KIAA1328: variants seen among roughly 807,000 people sequenced by gnomAD.
KIAA1328 encodes protein hinderin.
KIAA1328 carries 52 observed loss-of-function variants against 68.1 expected under a neutral mutation model. That is an observed-to-expected ratio of 0.76 (90% CI 0.61 to 0.96). The LOEUF (loss-of-function observed/expected upper bound fraction) is 0.96. Among genes scored for constraint, KIAA1328 ranks in the 40% least tolerant of loss-of-function variants. KIAA1328 has a pLI of 0.00. For missense variants in KIAA1328, 641 were observed against 677.6 expected, an observed-to-expected ratio of 0.95 and a Z score of 0.60; for synonymous variants, 232 against 239.4, an observed-to-expected ratio of 0.97 and a Z score of 0.28.
rs1478566173 is a variant in KIAA1328 at position 37,220,072 on chromosome 18, T to G, written c.1524-1945T>G. ...TTTGTAGGCTGTGCCAACATTTGCA[T>G]AGATTTCTAATAAAGTATTTCCAAA... On this transcript the variant is annotated intron_variant, in intron 9 of 9. Transcript: ENST00000280020. Among the ~76,000 whole-genome samples, 4 of 152,256 alleles carry G rather than the reference T, an allele frequency of 2.6e-5. No individual in the cohort carries two copies. In the East Asian group the frequency reaches 7.7e-4, roughly 29 times the overall value.
At chr18:37,010,801 C>T (rs1406246321) in intron 6 of KIAA1328, among the ~76,000 whole-genome samples, 1 of 152,102 alleles carries the variant, frequency 6.6e-6, no homozygotes, top group Non-Finnish European at 1.5e-5. Flanking sequence ...TGAGATTATA[C>T]CACACTGTGA....
chr18:36,909,024 A>G (rs749907899), intron 5 of KIAA1328, among the ~76,000 whole-genome samples: 11 of 152,238 alleles, frequency 7.2e-5, no homozygotes, highest in East Asian at 1.9e-4. Context: ...TCTGCTTCCT[A>G]TATCAAATTT....
At chr18:37,099,743 A>G (rs2057538699) in intron 7 of KIAA1328, among the ~76,000 whole-genome samples, 1 of 152,128 alleles carries the variant, frequency 6.6e-6, no homozygotes, top group South Asian at 2.1e-4. Context: ...GACTTGCTTT[A>G]CGAATCTGGG....
chr18:37,218,191 G>C (rs2060484718), intron 9 of KIAA1328, among the ~76,000 whole-genome samples: 1 of 152,242 alleles, frequency 6.6e-6, no homozygotes, highest in African/African-American at 2.4e-5. Context: ...CAGGTGCAAG[G>C]CTCTAAATCC....
chr18:36,998,199 C>T (rs2053464329), intron 6 of KIAA1328, among the ~76,000 whole-genome samples: 1 of 152,182 alleles, frequency 6.6e-6, no homozygotes, highest in African/African-American at 2.4e-5. Flanking sequence ...ACCCAATCCA[C>T]CACCTTAGGC....
intron 6 of KIAA1328, among the ~76,000 whole-genome samples, chr18:36,979,016 G>A (rs899364559): frequency 3.3e-5 from 5 of 151,986 alleles, no homozygotes; most frequent in African/African-American, 1.2e-4. Flanking sequence ...AAAAATAGCT[G>A]GGCATGGTGG....
intron 7 of KIAA1328, among the ~76,000 whole-genome samples, chr18:37,146,431 T>C (rs2154208996): frequency 6.6e-6 from 1 of 152,332 alleles, no homozygotes; most frequent in South Asian, 2.1e-4. Context: ...TTCTTCTTTT[T>C]ATTGCTGCAT....
intron 4 of KIAA1328, among the ~76,000 whole-genome samples, chr18:36,849,947 A>G (rs1226606998): frequency 1.3e-5 from 2 of 152,108 alleles, no homozygotes; most frequent in Admixed American, 6.6e-5. Flanking sequence ...GTGGCTAATG[A>G]TACTGAAAAA....
Position 37,223,278 on chromosome 18 carries a change from C to T in KIAA1328, c.*1051C>T, listed in dbSNP as rs747246045. 35 of 985,438 alleles carry T rather than the reference C, an allele frequency of 3.6e-5. No homozygotes were observed. The highest frequency in any genetic ancestry group is 4.1e-5 in the Non-Finnish European group (34 of 830,052). The allele number at this position is 985,438 out of a possible 1,614,324, so 61.0% of individuals were successfully genotyped here. The stretch of plus-strand genomic sequence containing the variant: ...CTACTTGCCAGAGTATGTTCCACCA[C>T]CCAAGCAGGGTCTCCCTACTTTTTC... On this transcript the variant is annotated 3_prime_UTR_variant, in exon 10 of 10. Transcript: ENST00000280020.
chr18:37,104,777 A>G (rs2057722819), intron 7 of KIAA1328, among the ~76,000 whole-genome samples: 1 of 152,198 alleles, frequency 6.6e-6, no homozygotes, highest in Admixed American at 6.5e-5. Flanking sequence ...TTAATATGTA[A>G]CAATAAAAAA....
chr18:37,059,995 C>A (rs2151704329), intron 6 of KIAA1328, among the ~76,000 whole-genome samples: 1 of 148,066 alleles, frequency 6.8e-6, no homozygotes, highest in South Asian at 2.2e-4. Flanking sequence ...ACATCACACA[C>A]TGGGGCCTGT....
At chr18:37,034,141 A>C (rs1321897385) in intron 6 of KIAA1328, among the ~76,000 whole-genome samples, 3 of 152,186 alleles carry the variant, frequency 2.0e-5, no homozygotes, top group African/African-American at 7.2e-5. Context: ...AGGAAAACAA[A>C]GGCTTTATGG....
intron 7 of KIAA1328, among the ~76,000 whole-genome samples, chr18:37,099,325 G>A (rs1366808134): frequency 2.0e-5 from 3 of 152,102 alleles, no homozygotes; most frequent in African/African-American, 4.8e-5. Flanking sequence ...CCTTCATTTT[G>A]TTGTGTACCC....
At chr18:37,003,458 A>G (rs938478876) in intron 6 of KIAA1328, among the ~76,000 whole-genome samples, 1 of 152,136 alleles carries the variant, frequency 6.6e-6, no homozygotes, top group African/African-American at 2.4e-5. Flanking sequence ...ACTCATATCC[A>G]GGATGTTCAA....
chr18:36,878,043 A>T (rs1568112238), intron 4 of KIAA1328, among the ~76,000 whole-genome samples: 1 of 152,084 alleles, frequency 6.6e-6, no homozygotes, highest in Non-Finnish European at 1.5e-5. Context: ...ATTTGTTCCT[A>T]TCATTATGAT....
intron 5 of KIAA1328, among the ~76,000 whole-genome samples, chr18:36,922,828 G>A (rs893740354): frequency 6.6e-6 from 1 of 152,066 alleles, no homozygotes; most frequent in African/African-American, 2.4e-5. Flanking sequence ...AGTTACTTAG[G>A]TTAGAATTTT....
At chr18:36,972,499 G>T (rs1269754317) in intron 6 of KIAA1328, among the ~76,000 whole-genome samples, 1 of 152,108 alleles carries the variant, frequency 6.6e-6, no homozygotes, top group African/African-American at 2.4e-5. Flanking sequence ...CGGGGGAGGG[G>T]TCTAACCACA....
chr18:37,096,473 A>G (rs2057411186), intron 7 of KIAA1328, among the ~76,000 whole-genome samples: 1 of 152,160 alleles, frequency 6.6e-6, no homozygotes, highest in Admixed American at 6.5e-5. Flanking sequence ...AATCCAGTCT[A>G]TCATTGTTGG....
At chr18:36,980,550 C>T (rs1238915856) in intron 6 of KIAA1328, among the ~76,000 whole-genome samples, 1 of 152,158 alleles carries the variant, frequency 6.6e-6, no homozygotes, top group South Asian at 2.1e-4. Context: ...AGAAGACTCA[C>T]TGTTATACAT....
Sources: allele counts gnomAD v4.1 joint callset (sites outside exome capture counted in the v4.1 genomes callset), GRCh38; gene constraint gnomAD v4.1.1; transcripts MANE v1.5; gene names NCBI Gene and HGNC (gene_info 2026-07-23, HGNC 2026-07-21).